Variants in PTPRD observed in about 807,000 individuals in gnomAD.
PTPRD encodes receptor-type tyrosine-protein phosphatase delta.
A neutral mutation model predicts 214.5 loss-of-function variants in PTPRD; 34 were observed. The observed-to-expected ratio is 0.16, with a 90% CI of 0.12 to 0.21. PTPRD has a LOEUF of 0.21. Among genes scored for constraint, PTPRD ranks in the 10% least tolerant of loss-of-function variants. The pLI, the probability that PTPRD is intolerant of heterozygous loss-of-function variation, is 1.00. For synonymous variants in PTPRD, 1,128 were observed against 845.7 expected, an observed-to-expected ratio of 1.33 and a Z score of -5.79; for missense variants, 2,545 against 2,398.7, an observed-to-expected ratio of 1.06 and a Z score of -1.27.
intron 4 of PTPRD, among the ~76,000 whole-genome samples, chr9:10,004,027 G>A (rs772069709): frequency 6.6e-6 from 1 of 151,726 alleles, no homozygotes; most frequent in African/African-American, 2.4e-5. Context: ...ATTTAACCCT[G>A]GTACACTAAC....
chr9:10,426,171 T>A (rs2098613178), intron 2 of PTPRD, among the ~76,000 whole-genome samples: 1 of 152,022 alleles, frequency 6.6e-6, no homozygotes, highest in African/African-American at 2.4e-5. Context: ...TTTCCTATTT[T>A]AGCTTGGTGT....
intron 10 of PTPRD, among the ~76,000 whole-genome samples, chr9:9,081,422 G>C (rs931253261): frequency 2.0e-5 from 3 of 152,040 alleles, no homozygotes; most frequent in Non-Finnish European, 4.4e-5. Context: ...CAATTATGTG[G>C]TCAATTTTAG....
At chr9:8,802,581 T>C (rs1329059873) in intron 11 of PTPRD, among the ~76,000 whole-genome samples, 1 of 152,216 alleles carries the variant, frequency 6.6e-6, no homozygotes, top group Non-Finnish European at 1.5e-5. Context: ...CTGCAGGAAG[T>C]TCCCAAAAGT....
At chr9:9,229,603 G>A (rs568743039) in intron 9 of PTPRD, among the ~76,000 whole-genome samples, 1 of 151,942 alleles carries the variant, frequency 6.6e-6, no homozygotes, top group Non-Finnish European at 1.5e-5. Flanking sequence ...ACAAATACTC[G>A]GGTTTACTCT....
chr9:9,428,461 T>G (rs1448825585), intron 8 of PTPRD, among the ~76,000 whole-genome samples: 1 of 152,128 alleles, frequency 6.6e-6, no homozygotes, highest in Non-Finnish European at 1.5e-5. Context: ...ATCGGAGACT[T>G]TAACATCCTA....
At position 10,046,828 on chromosome 9, in the gene PTPRD, G is replaced by T. The variant is rs942759015; in HGVS notation, c.-544-13038C>A. ...GTTAGTTTAGGCAAATGCCTTCCTT[G>T]TTTAAAAATGGAAATACCACGAAAA... is the stretch of plus-strand genomic sequence containing the variant. On this transcript the variant is annotated intron_variant, in intron 3 of 45. Transcript: ENST00000381196. Among the ~76,000 whole-genome samples, 3 of 151,866 alleles carry T rather than the reference G, an allele frequency of 2.0e-5. No homozygotes were observed. In the South Asian group the frequency reaches 6.2e-4, roughly 31 times the overall value.
At chr9:9,768,829 A>G (rs1312522388) in intron 5 of PTPRD, among the ~76,000 whole-genome samples, 1 of 152,226 alleles carries the variant, frequency 6.6e-6, no homozygotes, top group African/African-American at 2.4e-5. Flanking sequence ...TGAATTTATC[A>G]CAGAGAAACG....
At chr9:8,329,163 GGATTTATCTACCTTTGACCTTT>G (rs1337810043) in intron 44 of PTPRD, among the ~76,000 whole-genome samples, 4 of 151,892 alleles carry the variant, frequency 2.6e-5, no homozygotes, top group African/African-American at 9.7e-5. Context: ...CCATCTTCGT[GGATTTATCTACCTTTGACCTTT>G]GATGATGGTG....
rs1441639366 is a variant in PTPRD at position 9,934,587 on chromosome 9, G to A, written c.-368+3920C>T. Reference sequence around the variant, plus strand: ...TCTGAAATTATGGCAATAATCAATAGCTTACCAACCAAAAAGAGTCCAGGA... The same window carrying A: ...TCTGAAATTATGGCAATAATCAATAACTTACCAACCAAAAAGAGTCCAGGA... On this transcript the variant is annotated intron_variant, in intron 5 of 45. Coordinates refer to ENST00000381196, the MANE Select transcript of PTPRD (RefSeq NM_002839.4). Among the ~76,000 whole-genome samples the A allele has an allele frequency of 2.0e-5, 3 of 151,380 alleles. No individual in the cohort carries two copies. The East Asian group carries it at 5.8e-4, about 29-fold the overall frequency.
chr9:9,307,638 A>G (rs1442038639), intron 9 of PTPRD, among the ~76,000 whole-genome samples: 1 of 152,110 alleles, frequency 6.6e-6, no homozygotes, highest in Non-Finnish European at 1.5e-5. Context: ...GGTCTCTCCT[A>G]GACAATTCTC....
At chr9:9,110,981 A>G (rs2099805157) in intron 10 of PTPRD, among the ~76,000 whole-genome samples, 1 of 152,122 alleles carries the variant, frequency 6.6e-6, no homozygotes. Flanking sequence ...GGTCCTGTAC[A>G]GAAAAGCTTT....
chr9:10,208,062 T>G (rs1333181611), intron 3 of PTPRD, among the ~76,000 whole-genome samples: 1 of 152,156 alleles, frequency 6.6e-6, no homozygotes, highest in African/African-American at 2.4e-5. Flanking sequence ...AACCTAAATA[T>G]AGCTCTAGGC....
chr9:8,650,048 G>C (rs147511711), intron 12 of PTPRD, among the ~76,000 whole-genome samples: 7 of 152,210 alleles, frequency 4.6e-5, no homozygotes, highest in Admixed American at 6.5e-5. Context: ...CTCCCGAGCA[G>C]CGAGGACTAT....
chr9:10,418,313 C>T (rs1017481066), intron 2 of PTPRD, among the ~76,000 whole-genome samples: 1 of 151,700 alleles, frequency 6.6e-6, no homozygotes, highest in African/African-American at 2.4e-5. Flanking sequence ...GAAAAATGTA[C>T]ACTTCGCCCT....
chr9:8,640,943 G>A (rs2096563602), intron 12 of PTPRD, among the ~76,000 whole-genome samples: 2 of 134,948 alleles, frequency 1.5e-5, no homozygotes, highest in Admixed American at 1.4e-4. Context: ...TCAATGCTAG[G>A]CAGCCAGCCA....
intron 12 of PTPRD, among the ~76,000 whole-genome samples, chr9:8,688,736 T>C (rs980560560): frequency 5.9e-5 from 9 of 152,300 alleles, no homozygotes; most frequent in African/African-American, 2.2e-4. Flanking sequence ...ATTCTTTTTG[T>C]AGAACACCAA....
In PTPRD at chr9:8,636,803, C is replaced by T. The variant is rs200368919; in HGVS notation, c.106G>A (p.Val36Ile). 3.0e-5 allele frequency: 48 copies of T among 1,613,900 alleles called. No individual in the cohort carries two copies. The highest frequency in any genetic ancestry group is 1.7e-5 in the Admixed American group (1 of 59,982). ...ATGAAAGAGGCAACTCCGCCAGAGA[C>T]CCCTGTCTGATCAACGGGTGTTCGT... Reference protein sequence around the residue: ...FTRTPVDQTGVSGGVASFICQ... With the variant: ...FTRTPVDQTGISGGVASFICQ... The change falls in exon 13 of 46, where the codon GTC becomes ATC. Residue 36 changes from valine to isoleucine, a missense_variant. Val to Ile is a conservative substitution (Grantham distance 29). Coordinates refer to ENST00000381196, the MANE Select transcript of PTPRD (RefSeq NM_002839.4).
intron 4 of PTPRD, among the ~76,000 whole-genome samples, chr9:9,993,057 G>A (rs1177996719): frequency 6.6e-6 from 1 of 152,116 alleles, no homozygotes; most frequent in Non-Finnish European, 1.5e-5. Context: ...ACATACTTTA[G>A]AAAATTTAAA....
chr9:9,937,364 T>C, intron 5 of PTPRD, among the ~76,000 whole-genome samples: 1 of 127,772 alleles, frequency 7.8e-6, no homozygotes, highest in East Asian at 4.1e-4. Flanking sequence ...ATATGCCTGC[T>C]CCTTCTTTCA....
Sources: gnomAD v4.1 joint callset for allele counts (sites outside exome capture counted in the v4.1 genomes callset) on GRCh38, gnomAD v4.1.1 for gene constraint, MANE v1.5 for transcripts, NCBI Gene and HGNC (gene_info 2026-07-23, HGNC 2026-07-21) for gene names.